FHIP1A: variants seen among roughly 807,000 people sequenced by gnomAD.
FHIP1A encodes FHF complex subunit HOOK-interacting protein 1A.
FHIP1A carries 61 observed loss-of-function variants against 88.6 expected under a neutral mutation model. That is an observed-to-expected ratio of 0.69 (90% CI 0.56 to 0.85). The LOEUF is 0.85. Ranked by LOEUF, FHIP1A falls within the 40% of genes least tolerant of loss-of-function variation. The probability of loss-of-function intolerance (pLI) is 0.00; values close to 1 mark genes in which losing one functional copy is unlikely to be tolerated. For missense variants in FHIP1A, 1,154 were observed against 1,273.5 expected, an observed-to-expected ratio of 0.91 and a Z score of 1.43; for synonymous variants, 478 against 496.0, an observed-to-expected ratio of 0.96 and a Z score of 0.48.
chr4:151,485,591 GTT>G (rs869041330), intron 3 of FHIP1A, among the ~76,000 whole-genome samples: 12 of 135,762 alleles, frequency 8.8e-5, no homozygotes, highest in Non-Finnish European at 1.3e-4. Context: ...GGAGCTCAGA[GTT>G]TTTTTTTTTT....
chr4:151,510,628 G>A (rs939175692), intron 3 of FHIP1A, among the ~76,000 whole-genome samples: 10 of 152,266 alleles, frequency 6.6e-5, no homozygotes, highest in East Asian at 3.9e-4. Flanking sequence ...GGGATTCAGC[G>A]TTGACATGGT....
chr4:151,421,669 C>G (rs932644677), intron 1 of FHIP1A, among the ~76,000 whole-genome samples: 1 of 151,812 alleles, frequency 6.6e-6, no homozygotes, highest in Non-Finnish European at 1.5e-5. Context: ...TTCCCTCCCC[C>G]GAATCTCTTT....
intron 3 of FHIP1A, among the ~76,000 whole-genome samples, chr4:151,536,634 A>G (rs1342322040): frequency 6.6e-6 from 1 of 152,242 alleles, no homozygotes; most frequent in African/African-American, 2.4e-5. Context: ...GTTGGTATCA[A>G]TAGTTCATTA....
At chr4:151,585,790 TTAAA>T (rs1406755157) in intron 5 of FHIP1A, among the ~76,000 whole-genome samples, 1 of 152,132 alleles carries the variant, frequency 6.6e-6, no homozygotes, top group African/African-American at 2.4e-5. Context: ...GGCTGTCAAT[TTAAA>T]TTAAGGACCA....
chr4:151,581,886 A>C lies in FHIP1A; in HGVS notation c.732+3810A>C, dbSNP rs141162210. 2.0e-3 allele frequency among the ~76,000 whole-genome samples: 303 copies of C among 152,326 alleles called. 5 individuals carry two copies. Among genetic ancestry groups the C allele is most frequent in the Non-Finnish European group, 5.9e-4 (40 of 68,034 alleles). ...AACCTTTACTGTTATAGTTGATAGG[A>C]AGAGCTTGCTGGTTCTGCTGCCTCA... is the stretch of plus-strand genomic sequence containing the variant. On this transcript the variant is annotated intron_variant, in intron 5 of 13. Coordinates refer to ENST00000435205, the MANE Select transcript of FHIP1A (RefSeq NM_001109977.3).
At chr4:151,510,153 G>A (rs1315404184) in intron 3 of FHIP1A, among the ~76,000 whole-genome samples, 2 of 151,838 alleles carry the variant, frequency 1.3e-5, no homozygotes, top group Admixed American at 1.3e-4. Flanking sequence ...CATCCAGGCT[G>A]GAGTGCAGTG....
At chr4:151,518,215 C>T (rs1731319361) in intron 3 of FHIP1A, among the ~76,000 whole-genome samples, 1 of 152,082 alleles carries the variant, frequency 6.6e-6, no homozygotes, top group Non-Finnish European at 1.5e-5. Flanking sequence ...GTTTAGATAG[C>T]TTTAGATACA....
At chr4:151,635,558 G>A (rs906832366) in intron 8 of FHIP1A, among the ~76,000 whole-genome samples, 2 of 151,770 alleles carry the variant, frequency 1.3e-5, no homozygotes, top group African/African-American at 4.8e-5. Flanking sequence ...TTAAAAAAAA[G>A]AAGGAAATCT....
intron 2 of FHIP1A, among the ~76,000 whole-genome samples, chr4:151,457,174 A>T (rs749006287): frequency 2.6e-5 from 4 of 152,170 alleles, no homozygotes; most frequent in Non-Finnish European, 5.9e-5. Context: ...TAAATGATGT[A>T]TGTTAAGAAG....
intron 1 of FHIP1A, among the ~76,000 whole-genome samples, chr4:151,435,397 T>A (rs565895416): frequency 3.7e-4 from 57 of 152,306 alleles, no homozygotes; most frequent in African/African-American, 1.3e-3. Context: ...ATCTTTTAAA[T>A]TAAAATTATC....
intron 3 of FHIP1A, among the ~76,000 whole-genome samples, chr4:151,522,902 C>T (rs908165715): frequency 6.6e-6 from 1 of 152,106 alleles, no homozygotes. Context: ...TTAACATCAC[C>T]GTCAAGGAGA....
chr4:151,506,639 G>T (rs1233413137), intron 3 of FHIP1A, among the ~76,000 whole-genome samples: 1 of 152,090 alleles, frequency 6.6e-6, no homozygotes, highest in Non-Finnish European at 1.5e-5. Context: ...GTCAGTTCTT[G>T]TGGGAACTAA....
At chr4:151,611,061 G>A (rs1211978379) in intron 7 of FHIP1A, among the ~76,000 whole-genome samples, 1 of 152,046 alleles carries the variant, frequency 6.6e-6, no homozygotes, top group Admixed American at 6.6e-5. Flanking sequence ...TGGTAACTAG[G>A]TAGGAGCCTG....
At chr4:151,469,197 CTT>C (rs1456307914) in intron 2 of FHIP1A, among the ~76,000 whole-genome samples, 3 of 152,080 alleles carry the variant, frequency 2.0e-5, no homozygotes, top group African/African-American at 7.2e-5. Flanking sequence ...ACTGGAAGAC[CTT>C]TTGGTTTAAA....
Position 151,604,674 on chromosome 4 carries a change from C to A in FHIP1A, c.978+15748C>A, listed in dbSNP as rs1354485532. ...GACCAGCTTGGCCAACACAGTGAAA[C>A]CTTGTCTCTACTAAAGATACAAAAA... On this transcript the variant is annotated intron_variant, in intron 7 of 13. Coordinates refer to ENST00000435205, the MANE Select transcript of FHIP1A (RefSeq NM_001109977.3). 3.9e-5 allele frequency among the ~76,000 whole-genome samples: 6 copies of A among 152,028 alleles called. No individual in the cohort carries two copies. The East Asian group carries it at 7.8e-4, about 20-fold the overall frequency.
At chr4:151,590,744 A>G (rs1734393928) in intron 7 of FHIP1A, among the ~76,000 whole-genome samples, 1 of 152,194 alleles carries the variant, frequency 6.6e-6, no homozygotes, top group Non-Finnish European at 1.5e-5. Context: ...AATAATTGCT[A>G]ACATTTGATC....
chr4:151,559,957 A>G (rs1438035191), intron 3 of FHIP1A, among the ~76,000 whole-genome samples: 1 of 152,206 alleles, frequency 6.6e-6, no homozygotes, highest in African/African-American at 2.4e-5. Flanking sequence ...ACTGGCTATT[A>G]GCCTGTTTTG....
At chr4:151,557,789 A>G (rs1733007549) in intron 3 of FHIP1A, among the ~76,000 whole-genome samples, 2 of 152,208 alleles carry the variant, frequency 1.3e-5, no homozygotes, top group South Asian at 4.1e-4. Flanking sequence ...CTGGACCTCC[A>G]AGCAGAAATT....
At chr4:151,543,670 G>A (rs1732381247) in intron 3 of FHIP1A, among the ~76,000 whole-genome samples, 1 of 152,150 alleles carries the variant, frequency 6.6e-6, no homozygotes, top group South Asian at 2.1e-4. Flanking sequence ...ATATAATTTT[G>A]CATCTTGCTT....
Sources: gnomAD v4.1 joint callset for allele counts (sites outside exome capture counted in the v4.1 genomes callset) on GRCh38, gnomAD v4.1.1 for gene constraint, MANE v1.5 for transcripts, NCBI Gene and HGNC (gene_info 2026-07-23, HGNC 2026-07-21) for gene names.